Variants in DMD observed in about 807,000 individuals in gnomAD.
The protein encoded by DMD is mutant dystrophin.
A neutral mutation model predicts 330.1 loss-of-function variants in DMD; 63 were observed. The observed-to-expected ratio is 0.19, with a 90% CI of 0.16 to 0.24. The LOEUF is 0.24. Ranked by LOEUF, DMD falls within the 10% of genes least tolerant of loss-of-function variation. The pLI is 1.00. For missense variants in DMD, 3,344 were observed against 2,684.1 expected (o/e 1.25, Z -5.43); for synonymous variants, 1,223 against 959.8 (o/e 1.27, Z -5.07).
At chrX:32,660,161 T>G (rs1382238185) in intron 9 of DMD, among the ~76,000 whole-genome samples, 2 of 111,035 alleles carry the variant, frequency 1.8e-5, no homozygotes, top group Non-Finnish European at 3.8e-5. Flanking sequence ...GTCTTTTGCA[T>G]TTCAGAAAAA....
At chrX:31,256,351 T>C (rs1221328442) in intron 63 of DMD, among the ~76,000 whole-genome samples, 1 of 111,862 alleles carries the variant, frequency 8.9e-6, no homozygotes, top group Non-Finnish European at 1.9e-5. Context: ...TGTTCAGTCA[T>C]CATAGTGAAC....
intron 47 of DMD, among the ~76,000 whole-genome samples, chrX:31,899,362 C>T (rs1880850991): frequency 1.9e-5 from 2 of 107,299 alleles, no homozygotes. Context: ...CCATTTTTGG[C>T]CATATTCATT....
intron 1 of DMD, among the ~76,000 whole-genome samples, chrX:33,324,213 GAAGT>G (rs1270296868): frequency 9.0e-6 from 1 of 111,128 alleles, no homozygotes; most frequent in Non-Finnish European, 1.9e-5. Flanking sequence ...GCACAGCAAA[GAAGT>G]GAGTGAGACG....
At chrX:31,457,645 T>C (rs2149146507) in intron 59 of DMD, among the ~76,000 whole-genome samples, 1 of 112,109 alleles carries the variant, frequency 8.9e-6, no homozygotes, top group Non-Finnish European at 1.9e-5. Flanking sequence ...TAAAGCAAAT[T>C]AAGCTACCTC....
At chrX:31,940,497 A>G (rs1259840412) in intron 45 of DMD, among the ~76,000 whole-genome samples, 1 of 111,455 alleles carries the variant, frequency 9.0e-6, no homozygotes, top group Non-Finnish European at 1.9e-5. Flanking sequence ...GTTCTTTTTC[A>G]TTCTTATGTA....
At chrX:32,816,204 A>G (rs988628007) in intron 6 of DMD, among the ~76,000 whole-genome samples, 13 of 111,674 alleles carry the variant, frequency 1.2e-4, no homozygotes, top group Non-Finnish European at 2.4e-4. Context: ...AGTGTCAAAC[A>G]TATTGATACT....
intron 57 of DMD, among the ~76,000 whole-genome samples, chrX:31,481,036 G>A (rs1000285640): frequency 2.7e-5 from 3 of 112,423 alleles, no homozygotes; most frequent in Non-Finnish European, 5.6e-5. Flanking sequence ...CAAGTGCAGA[G>A]TCATAGGACA....
chrX:32,913,865 G>T (rs1438565676), intron 2 of DMD, among the ~76,000 whole-genome samples: 2 of 112,114 alleles, frequency 1.8e-5, no homozygotes, highest in African/African-American at 6.5e-5. Flanking sequence ...ACAATTATGA[G>T]TACATTCTAC....
At chrX:33,129,325 C>CTTATTT (rs2095483876) in intron 1 of DMD, among the ~76,000 whole-genome samples, 1 of 30,715 alleles carries the variant, frequency 3.3e-5, no homozygotes, top group Admixed American at 6.5e-4. Context: ...TTAAGGTTTG[C>CTTATTT]TTTTTTTTTT....
intron 43 of DMD, among the ~76,000 whole-genome samples, chrX:32,261,106 G>A (rs765322433): frequency 1.8e-4 from 20 of 111,638 alleles, no homozygotes; most frequent in African/African-American, 5.2e-4. Context: ...GTCTCTGCCC[G>A]GTTTCATTGC....
intron 1 of DMD, among the ~76,000 whole-genome samples, chrX:33,306,736 G>A (rs894986789): frequency 3.6e-5 from 4 of 110,819 alleles, no homozygotes; most frequent in African/African-American, 1.3e-4. Context: ...ACAATCCAAA[G>A]TCTCAATTAG....
intron 44 of DMD, among the ~76,000 whole-genome samples, chrX:32,006,732 A>G (rs1326616796): frequency 2.7e-5 from 3 of 110,489 alleles, no homozygotes; most frequent in Non-Finnish European, 5.7e-5. Context: ...AAATGACATC[A>G]CCATGAATTT....
At chrX:31,431,792 C>CTTTCT (rs1019829810) in intron 60 of DMD, among the ~76,000 whole-genome samples, 6 of 110,620 alleles carry the variant, frequency 5.4e-5, no homozygotes, top group African/African-American at 1.3e-4. Context: ...AAAATATTTT[C>CTTTCT]TTTCTTTTCT....
At chrX:33,048,573 G>A (rs2094414820) in intron 1 of DMD, among the ~76,000 whole-genome samples, 1 of 107,474 alleles carries the variant, frequency 9.3e-6, no homozygotes, top group Admixed American at 1.0e-4. Context: ...TGCACCTGTA[G>A]TCCTAGCTAT....
chrX:31,754,477 AAAAG>A (rs1359089363), intron 51 of DMD, among the ~76,000 whole-genome samples: 1 of 111,312 alleles, frequency 9.0e-6, no homozygotes, highest in African/African-American at 3.3e-5. Context: ...CTGACTCATT[AAAAG>A]AGAGAGAGAG....
intron 1 of DMD, among the ~76,000 whole-genome samples, chrX:33,314,593 T>C (rs1317650581): frequency 2.0e-5 from 2 of 100,993 alleles, no homozygotes; most frequent in Admixed American, 2.2e-4. Context: ...TTTTTATCTT[T>C]CTTAGAGTTC....
At chrX:32,553,806 G>A (rs1380340962) in intron 16 of DMD, among the ~76,000 whole-genome samples, 1 of 111,863 alleles carries the variant, frequency 8.9e-6, no homozygotes, top group Non-Finnish European at 1.9e-5. Context: ...GGGCCTGGTG[G>A]GAGGGGACTG....
At chrX:32,793,577 G>A (rs1353021583) in intron 7 of DMD, among the ~76,000 whole-genome samples, 7 of 110,125 alleles carry the variant, frequency 6.4e-5, no homozygotes, top group South Asian at 3.7e-4. Flanking sequence ...AAATGAAGAC[G>A]GAGACATTAC....
intron 52 of DMD, among the ~76,000 whole-genome samples, chrX:31,717,334 G>A (rs1476994151): frequency 1.8e-5 from 2 of 109,356 alleles, no homozygotes; most frequent in East Asian, 2.8e-4. Context: ...GAAGGGAAAC[G>A]TGGGCATTTT....
Sources: allele counts gnomAD v4.1 joint callset (sites outside exome capture counted in the v4.1 genomes callset), GRCh38; gene constraint gnomAD v4.1.1; transcripts MANE v1.5; gene names NCBI Gene and HGNC (gene_info 2026-07-23, HGNC 2026-07-21).